The following ZNF143 variants were observed in gnomAD, a reference collection of about 807,000 sequenced individuals.
ZNF143 encodes the protein SPH-binding factor.
A neutral mutation model predicts 74.1 loss-of-function variants in ZNF143; 49 were observed. That is an observed-to-expected ratio of 0.66 (90% CI 0.53 to 0.84). ZNF143 has a LOEUF of 0.84. Among genes scored for constraint, ZNF143 ranks in the 40% least tolerant of loss-of-function variants. ZNF143 has a pLI of 0.00. For missense variants in ZNF143, 637 were observed against 793.4 expected (o/e 0.80, Z 2.37); for synonymous variants, 304 against 282.8 (o/e 1.07, Z -0.75).
In ZNF143 at chr11:9,471,312, T is replaced by C. The variant is rs1216537116; in HGVS notation, c.4T>C (p.Leu2=). 6.2e-7 allele frequency: 1 copy of C among 1,605,158 alleles called. No individual in the cohort carries two copies. Among genetic ancestry groups the C allele is most frequent in the South Asian group, 1.1e-5 (1 of 88,496 alleles). ...TTATTTTTCTTCAAGGTAGAAGATG[T>C]TGTTAGCCCAAATAAATCGAGATTC... is the stretch of plus-strand genomic sequence containing the variant. The part of the protein sequence containing the change: M[L]LAQINRDSQG... Residue 2 remains leucine, a synonymous_variant, in exon 2 of 16, where the codon TTG becomes CTG. Coordinates refer to ENST00000396602, the MANE Select transcript of ZNF143 (RefSeq NM_003442.6).
At chr11:9,503,632 T>C (rs936174083) in intron 11 of ZNF143, among the ~76,000 whole-genome samples, 1 of 151,938 alleles carries the variant, frequency 6.6e-6, no homozygotes, top group African/African-American at 2.4e-5. Flanking sequence ...TGATGGCTAA[T>C]GATGTGAAGC....
intron 5 of ZNF143, among the ~76,000 whole-genome samples, chr11:9,477,158 CCTTCCTTCCTT>C (rs1287150062): frequency 4.2e-5 from 6 of 144,426 alleles, no homozygotes; most frequent in African/African-American, 1.0e-4. Context: ...TTCCTTCCTT[CCTTCCTTCCTT>C]CCTCCTCTCC....
At chr11:9,467,870 G>A (rs905667188) in intron 1 of ZNF143, among the ~76,000 whole-genome samples, 38 of 143,400 alleles carry the variant, frequency 2.6e-4, no homozygotes, top group African/African-American at 8.7e-4. Flanking sequence ...AAAAAAAGTT[G>A]TCTGTCAGGA....
intron 12 of ZNF143, among the ~76,000 whole-genome samples, chr11:9,509,461 A>G (rs1848467036): frequency 6.6e-6 from 1 of 152,246 alleles, no homozygotes; most frequent in African/African-American, 2.4e-5. Flanking sequence ...TTAGAGAATT[A>G]CATTGAATTA....
intron 14 of ZNF143, among the ~76,000 whole-genome samples, chr11:9,517,680 A>G (rs1848772024): frequency 6.6e-6 from 1 of 152,216 alleles, no homozygotes; most frequent in Admixed American, 6.5e-5. Context: ...ATATTTAAAA[A>G]CTGTTCTTGT....
chr11:9,500,692 C>T (rs748178050), intron 10 of ZNF143, among the ~76,000 whole-genome samples: 2 of 152,180 alleles, frequency 1.3e-5, no homozygotes, highest in Admixed American at 6.5e-5. Flanking sequence ...TATTTTCCTG[C>T]AAGATATTGT....
intron 7 of ZNF143, among the ~76,000 whole-genome samples, chr11:9,486,059 T>C (rs889624088): frequency 2.7e-5 from 4 of 150,892 alleles, no homozygotes; most frequent in Non-Finnish European, 5.9e-5. Flanking sequence ...ACTTCCCAGC[T>C]TTTGACCATG....
At chr11:9,480,659 A>G (rs1032647344) in intron 7 of ZNF143, among the ~76,000 whole-genome samples, 2 of 151,914 alleles carry the variant, frequency 1.3e-5, no homozygotes, top group Non-Finnish European at 2.9e-5. Context: ...GCTGAGGCGG[A>G]TGGATGACTT....
chr11:9,504,528 G>C (rs1848283178), intron 11 of ZNF143, among the ~76,000 whole-genome samples: 1 of 125,566 alleles, frequency 8.0e-6, no homozygotes, highest in Admixed American at 8.5e-5. Flanking sequence ...ATGTATTTTT[G>C]GTGGGTGAGA....
intron 1 of ZNF143, among the ~76,000 whole-genome samples, chr11:9,466,875 C>G (rs968942327): frequency 2.7e-5 from 4 of 149,642 alleles, no homozygotes; most frequent in Non-Finnish European, 4.5e-5. Flanking sequence ...TAGAGTAATA[C>G]TCTGGTTTTT....
At chr11:9,481,512 G>A (rs191989388) in intron 7 of ZNF143, among the ~76,000 whole-genome samples, 17 of 152,212 alleles carry the variant, frequency 1.1e-4, no homozygotes, top group African/African-American at 4.1e-4. Flanking sequence ...TCAGTGGCTT[G>A]GAGTGTTGGA....
chr11:9,505,983 G>A (rs1848350640), intron 11 of ZNF143, among the ~76,000 whole-genome samples: 2 of 152,126 alleles, frequency 1.3e-5, no homozygotes, highest in South Asian at 2.1e-4. Flanking sequence ...AAAATGGCTG[G>A]GGCTTTTTGG....
At chr11:9,470,847 T>C (rs1856524635) in intron 1 of ZNF143, among the ~76,000 whole-genome samples, 3 of 152,070 alleles carry the variant, frequency 2.0e-5, no homozygotes, top group Admixed American at 6.6e-5. Context: ...GATGCTGTTA[T>C]AGTAATGCAG....
intron 7 of ZNF143, among the ~76,000 whole-genome samples, chr11:9,484,799 G>GGTTTTTTTTTTT (rs1316309780): frequency 4.1e-5 from 1 of 24,244 alleles, no homozygotes. Flanking sequence ...CCTGGCCAAA[G>GGTTTTTTTTTTT]ATTTTTTTTT....
At chr11:9,490,491 G>A (rs1276842450) in intron 7 of ZNF143, among the ~76,000 whole-genome samples, 1 of 151,126 alleles carries the variant, frequency 6.6e-6, no homozygotes, top group African/African-American at 2.4e-5. Context: ...TTGCCATGTT[G>A]CCCAGGCTGG....
intron 13 of ZNF143, 37 bp downstream of exon 13, chr11:9,512,633 T>C: frequency 6.2e-7 from 1 of 1,608,262 alleles, no homozygotes; most frequent in African/African-American, 1.3e-5. Context: ...ATTAAATCTT[T>C]CTGTGAACCT....
intron 1 of ZNF143, among the ~76,000 whole-genome samples, chr11:9,468,249 A>T (rs1175438995): frequency 6.6e-6 from 1 of 152,168 alleles, no homozygotes; most frequent in Non-Finnish European, 1.5e-5. Context: ...TCTTTTTCAC[A>T]TCAATAGTTC....
intron 12 of ZNF143, among the ~76,000 whole-genome samples, chr11:9,510,904 A>C (rs1848517571): frequency 6.6e-6 from 1 of 152,046 alleles, no homozygotes. Context: ...CTTTTATGTC[A>C]CTAAATTATT....
chr11:9,498,551 T>G (rs1436282304), intron 10 of ZNF143, among the ~76,000 whole-genome samples: 2 of 152,196 alleles, frequency 1.3e-5, no homozygotes, highest in African/African-American at 4.8e-5. Flanking sequence ...CTCTTTAAAT[T>G]TTATCTTCTT....
Sources: gnomAD v4.1 joint callset for allele counts (sites outside exome capture counted in the v4.1 genomes callset) on GRCh38, gnomAD v4.1.1 for gene constraint, MANE v1.5 for transcripts, NCBI Gene and HGNC (gene_info 2026-07-23, HGNC 2026-07-21) for gene names.